FHIT: variants seen among roughly 807,000 people sequenced by gnomAD.
FHIT encodes fragile histidine triad diadenosine triphosphatase.
In FHIT, 19 loss-of-function variants were observed where a neutral mutation model predicts 17.9. The observed-to-expected ratio is 1.06, with a 90% CI of 0.74 to 1.56. The LOEUF is 1.56. Among genes scored for constraint, FHIT ranks in the 40% most tolerant of loss-of-function variants. The probability of loss-of-function intolerance (pLI) is 0.00; values close to 1 mark genes in which losing one functional copy is unlikely to be tolerated. For synonymous variants in FHIT, 81 were observed against 69.7 expected (o/e 1.16, Z -0.81); for missense variants, 248 against 189.2 (o/e 1.31, Z -1.82).
intron 4 of FHIT, among the ~76,000 whole-genome samples, chr3:60,724,655 TTTTTG>T (rs2041878590): frequency 7.1e-6 from 1 of 140,932 alleles, no homozygotes; most frequent in Middle Eastern, 3.6e-3. Context: ...CTGTTTTTTT[TTTTTG>T]TTTTTTTTTT....
At chr3:60,013,203 A>G (rs1559548588) in intron 6 of FHIT, among the ~76,000 whole-genome samples, 1 of 152,202 alleles carries the variant, frequency 6.6e-6, no homozygotes, top group Non-Finnish European at 1.5e-5. Flanking sequence ...GCTCTATGGT[A>G]AAGAGCTAAG....
intron 3 of FHIT, among the ~76,000 whole-genome samples, chr3:60,967,508 A>T (rs903473958): frequency 1.3e-5 from 2 of 152,236 alleles, no homozygotes; most frequent in Admixed American, 1.3e-4. Context: ...ATAGAAAAGT[A>T]TATATAAATA....
At chr3:60,691,289 C>T (rs553214403) in intron 4 of FHIT, among the ~76,000 whole-genome samples, 1 of 151,988 alleles carries the variant, frequency 6.6e-6, no homozygotes, top group South Asian at 2.1e-4. Context: ...TTTTAATCAT[C>T]TCTTTTGTTA....
chr3:60,846,930 TCTC>T (rs1702949206), intron 3 of FHIT, among the ~76,000 whole-genome samples: 1 of 152,002 alleles, frequency 6.6e-6, no homozygotes, highest in South Asian at 2.1e-4. Context: ...TTCAAGCAAT[TCTC>T]CTGCCTCAGG....
chr3:60,549,604 C>G (rs1454506509), intron 4 of FHIT, among the ~76,000 whole-genome samples: 2 of 152,086 alleles, frequency 1.3e-5, no homozygotes, highest in African/African-American at 4.8e-5. Flanking sequence ...GTCCCATTTC[C>G]CCAAAACTTT....
At chr3:60,691,375 T>C (rs1397601541) in intron 4 of FHIT, among the ~76,000 whole-genome samples, 1 of 151,748 alleles carries the variant, frequency 6.6e-6, no homozygotes, top group Non-Finnish European at 1.5e-5. Context: ...TTCTTTTTCT[T>C]CTTTTTTTTT....
At position 60,732,328 on chromosome 3, in the gene FHIT, C is replaced by G. The variant is rs529262425; in HGVS notation, c.-18+89591G>C. ...AACTGGGAACCATTTGTGTTGGGTC[C>G]AGCATTTGCCATGGGCAAGATGCCA... On this transcript the variant is annotated intron_variant, in intron 4 of 9. Coordinates refer to ENST00000492590, the MANE Select transcript of FHIT (RefSeq NM_002012.4). 7 of 928,876 alleles carry G rather than the reference C, an allele frequency of 7.5e-6. No individual in the cohort carries two copies. In the African/African-American group the frequency reaches 8.0e-5, roughly 11 times the overall value. 57.5% of individuals were successfully genotyped at this position (928,876 alleles called of 1,614,324 possible). A position where few individuals can be genotyped will look rare whatever the true frequency, so the allele number is the denominator to read the frequency against.
rs372170169 is a variant in FHIT at position 61,201,484 on chromosome 3, G to A, written c.-212-819C>T. ...TTTTTGGCTAGGTCCTAACATCTCCGAAAGGTGCAGTAGTTGGGGATAGAC... is the reference window on the plus strand; with the variant it reads ...TTTTTGGCTAGGTCCTAACATCTCCAAAAGGTGCAGTAGTTGGGGATAGAC... On this transcript the variant is annotated intron_variant, in intron 1 of 9. Transcript: ENST00000492590. Among the ~76,000 whole-genome samples, 107 of 152,210 alleles carry A rather than the reference G, an allele frequency of 7.0e-4. 1 individual carries two copies. The highest frequency in any genetic ancestry group is 2.6e-3 in the African/African-American group (106 of 41,538).
intron 3 of FHIT, among the ~76,000 whole-genome samples, chr3:60,860,469 T>TATGATACATATGTATCATATATATCAG (rs1491384219): frequency 1.1e-5 from 1 of 91,838 alleles, no homozygotes; most frequent in Non-Finnish European, 2.4e-5. Context: ...TACATATATA[T>TATGATACATATGTATCATATATATCAG]GTATATATGA....
In FHIT at chr3:60,562,973, G is replaced by C. The variant is rs1576884846; in HGVS notation, c.-17-25994C>G. Among the ~76,000 whole-genome samples, 5 of 152,308 alleles carry C rather than the reference G, an allele frequency of 3.3e-5. No homozygotes were observed. In the East Asian group the frequency reaches 9.6e-4, roughly 29 times the overall value. ...CCTGATATGGGCCAGGCTGAATTAT[G>C]AGTGAAATCAACAGAAATAAACGCA... On this transcript the variant is annotated intron_variant, in intron 4 of 9. Coordinates refer to ENST00000492590, the MANE Select transcript of FHIT (RefSeq NM_002012.4).
At chr3:61,202,638 T>A (rs150478787) in intron 1 of FHIT, among the ~76,000 whole-genome samples, 1 of 152,060 alleles carries the variant, frequency 6.6e-6, no homozygotes, top group Non-Finnish European at 1.5e-5. Flanking sequence ...AGCAAATGCA[T>A]ACTTTCATAT....
intron 5 of FHIT, among the ~76,000 whole-genome samples, chr3:60,337,203 T>C (rs1308962753): frequency 6.6e-6 from 1 of 152,184 alleles, no homozygotes; most frequent in African/African-American, 2.4e-5. Context: ...TGCATACTTT[T>C]TTATCGAAAG....
chr3:60,274,987 T>G (rs1429524432), intron 5 of FHIT, among the ~76,000 whole-genome samples: 2 of 152,224 alleles, frequency 1.3e-5, no homozygotes, highest in Non-Finnish European at 2.9e-5. Context: ...ATTTATCTGT[T>G]TTTTAAAAAT....
intron 5 of FHIT, among the ~76,000 whole-genome samples, chr3:60,068,744 A>G (rs1252182171): frequency 6.6e-6 from 1 of 152,260 alleles, no homozygotes; most frequent in Non-Finnish European, 1.5e-5. Context: ...TCAATGAAAC[A>G]TAATTTTTTC....
chr3:61,066,411 T>C (rs2034611856), intron 2 of FHIT, among the ~76,000 whole-genome samples: 2 of 152,066 alleles, frequency 1.3e-5, no homozygotes, highest in South Asian at 4.1e-4. Flanking sequence ...GTCAGGAGTT[T>C]GAAACCAGTC....
At chr3:60,078,815 G>A (rs527986292) in intron 5 of FHIT, among the ~76,000 whole-genome samples, 18 of 151,578 alleles carry the variant, frequency 1.2e-4, no homozygotes. Flanking sequence ...AGGTGAGAGA[G>A]AGAAAATATA....
At chr3:60,113,558 A>T (rs1704779244) in intron 5 of FHIT, among the ~76,000 whole-genome samples, 1 of 151,860 alleles carries the variant, frequency 6.6e-6, no homozygotes, top group Non-Finnish European at 1.5e-5. Context: ...CTTGGCCCAA[A>T]GGAGGACTAC....
intron 3 of FHIT, among the ~76,000 whole-genome samples, chr3:60,970,525 TC>T (rs1709962112): frequency 6.6e-6 from 1 of 152,144 alleles, no homozygotes; most frequent in South Asian, 2.1e-4. Context: ...CTCACAGTTT[TC>T]TGTTCCTAAA....
intron 3 of FHIT, among the ~76,000 whole-genome samples, chr3:60,911,591 G>A (rs1302092558): frequency 1.3e-5 from 2 of 152,192 alleles, no homozygotes; most frequent in African/African-American, 2.4e-5. Context: ...ACCAAGCACT[G>A]CCATTTCCAG....
Sources: allele counts gnomAD v4.1 joint callset (sites outside exome capture counted in the v4.1 genomes callset), GRCh38; gene constraint gnomAD v4.1.1; transcripts MANE v1.5; gene names NCBI Gene and HGNC (gene_info 2026-07-23, HGNC 2026-07-21).